Variants in BTRC observed in about 807,000 individuals in gnomAD.
BTRC encodes F-box/WD repeat-containing protein 1A.
BTRC carries 42 observed loss-of-function variants against 85.5 expected under a neutral mutation model. That is an observed-to-expected ratio of 0.49 (90% CI 0.38 to 0.64). The LOEUF is 0.64. Ranked by LOEUF, BTRC falls within the 30% of genes least tolerant of loss-of-function variation. BTRC has a pLI of 0.00. For synonymous variants in BTRC, 255 were observed against 263.3 expected, an observed-to-expected ratio of 0.97 and a Z score of 0.30; for missense variants, 594 against 743.5, an observed-to-expected ratio of 0.80 and a Z score of 2.34.
intron 3 of BTRC, among the ~76,000 whole-genome samples, chr10:101,470,627 G>A (rs1163472203): frequency 3.3e-5 from 5 of 152,186 alleles, no homozygotes; most frequent in African/African-American, 4.8e-5. Flanking sequence ...ACCGCGCCTA[G>A]CCGGTTTTTT....
intron 1 of BTRC, among the ~76,000 whole-genome samples, chr10:101,406,699 A>G (rs1943635122): frequency 6.6e-6 from 1 of 151,272 alleles, no homozygotes; most frequent in African/African-American, 2.4e-5. Context: ...ACAGCTAGCT[A>G]ATTTTTGTGT....
At chr10:101,532,848 C>G in intron 8 of BTRC, 104 bp from the exon 9 acceptor site, 1 of 962,910 alleles carries the variant, frequency 1.0e-6, no homozygotes, top group Non-Finnish European at 1.6e-6. Context: ...CCACACTACT[C>G]TGGGCTTTGA....
At chr10:101,486,452 A>C (rs1428530470) in intron 4 of BTRC, among the ~76,000 whole-genome samples, 1 of 152,060 alleles carries the variant, frequency 6.6e-6, no homozygotes, top group Non-Finnish European at 1.5e-5. Context: ...GGAAAAAAAA[A>C]AAAGTGGCCA....
chr10:101,374,667 G>A (rs1424417284), intron 1 of BTRC, among the ~76,000 whole-genome samples: 35 of 147,464 alleles, frequency 2.4e-4, no homozygotes, highest in South Asian at 1.1e-3. Context: ...AGCATTGGGA[G>A]ATATACCTAA....
At chr10:101,461,474 A>T (rs1945224343) in intron 2 of BTRC, among the ~76,000 whole-genome samples, 1 of 152,178 alleles carries the variant, frequency 6.6e-6, no homozygotes, top group Admixed American at 6.5e-5. Flanking sequence ...CTCTAATCCT[A>T]AACTACTGAG....
intron 2 of BTRC, among the ~76,000 whole-genome samples, chr10:101,450,804 A>G (rs1325870447): frequency 6.6e-6 from 1 of 152,184 alleles, no homozygotes; most frequent in Non-Finnish European, 1.5e-5. Flanking sequence ...TGTTTTAGAT[A>G]ATAACTGATC....
chr10:101,505,970 A>G (rs1284247291), intron 4 of BTRC, among the ~76,000 whole-genome samples: 3 of 150,626 alleles, frequency 2.0e-5, no homozygotes, highest in Admixed American at 2.0e-4. Flanking sequence ...GCTGGAGTGC[A>G]GTGGCACAAT....
At chr10:101,482,832 T>C (rs936771905) in intron 4 of BTRC, among the ~76,000 whole-genome samples, 1 of 152,186 alleles carries the variant, frequency 6.6e-6, no homozygotes, top group Non-Finnish European at 1.5e-5. Context: ...GCTGCATTGA[T>C]ATGGCTGCAG....
chr10:101,371,912 G>T lies in BTRC; in HGVS notation c.48+17684G>T, dbSNP rs78767946. Among the ~76,000 whole-genome samples, 585 of 152,130 alleles carry T rather than the reference G, an allele frequency of 3.8e-3. 6 individuals are homozygous for T. The highest frequency in any genetic ancestry group is 0.013 in the African/African-American group (548 of 41,482). ...GAGGGAGGCACACCTCACACATGAG[G>T]CTGAAAACCCAATCGTCATGCTTAC... On this transcript the variant is annotated intron_variant, in intron 1 of 14. Coordinates refer to ENST00000370187, the MANE Select transcript of BTRC (RefSeq NM_033637.4).
At position 101,417,650 on chromosome 10, in the gene BTRC, C is replaced by G. The variant is rs149910957; in HGVS notation, c.49-12695C>G. Among the ~76,000 whole-genome samples, 729 of 152,204 alleles carry G rather than the reference C, an allele frequency of 4.8e-3. 8 individuals are homozygous for G. Among genetic ancestry groups the G allele is most frequent in the African/African-American group, 0.016 (685 of 41,524 alleles). On this transcript the variant is annotated intron_variant, in intron 1 of 14. Coordinates refer to ENST00000370187, the MANE Select transcript of BTRC (RefSeq NM_033637.4). ...TTTGAGACTATTTAAGTATCCTCCT[C>G]CTTATCAAACTTACAGTTTATATTT...
At chr10:101,378,458 T>C (rs1321674388) in intron 1 of BTRC, among the ~76,000 whole-genome samples, 1 of 152,132 alleles carries the variant, frequency 6.6e-6, no homozygotes, top group African/African-American at 2.4e-5. Flanking sequence ...TTGGTGGTGT[T>C]AGTCATGTCA....
At chr10:101,550,937 A>T in intron 14 of BTRC, 46 bp downstream of exon 14, 2 of 1,481,124 alleles carry the variant, frequency 1.4e-6, no homozygotes, top group Non-Finnish European at 1.8e-6. Context: ...AGGAGACGGG[A>T]TATTAGCTGT....
At chr10:101,492,592 A>G (rs1468191094) in intron 4 of BTRC, among the ~76,000 whole-genome samples, 1 of 152,124 alleles carries the variant, frequency 6.6e-6, no homozygotes, top group Non-Finnish European at 1.5e-5. Flanking sequence ...CTTGCTCCAT[A>G]TTTATTTTTG....
intron 2 of BTRC, among the ~76,000 whole-genome samples, chr10:101,447,657 A>G (rs1351813858): frequency 2.0e-5 from 3 of 152,190 alleles, no homozygotes; most frequent in Non-Finnish European, 4.4e-5. Flanking sequence ...GATAGCTAAT[A>G]ACAGATATTA....
At chr10:101,444,491 C>T (rs1178102462) in intron 2 of BTRC, among the ~76,000 whole-genome samples, 1 of 152,154 alleles carries the variant, frequency 6.6e-6, no homozygotes, top group Non-Finnish European at 1.5e-5. Context: ...CTGTTTTTCA[C>T]AGAGTGTGGT....
At chr10:101,529,535 T>A (rs1238074298) in intron 6 of BTRC, among the ~76,000 whole-genome samples, 2 of 152,218 alleles carry the variant, frequency 1.3e-5, no homozygotes, top group African/African-American at 4.8e-5. Context: ...GCAAAGTGTT[T>A]GTAGAATAAT....
chr10:101,479,530 A>G (rs559273998), intron 4 of BTRC, 73 bp downstream of exon 4: 4 of 1,211,148 alleles, frequency 3.3e-6, no homozygotes, highest in Non-Finnish European at 3.6e-6. Flanking sequence ...ATCTTTACTC[A>G]GTATTGCTTA....
chr10:101,362,270 T>A (rs1473965930), intron 1 of BTRC, among the ~76,000 whole-genome samples: 1 of 151,866 alleles, frequency 6.6e-6, no homozygotes, highest in Non-Finnish European at 1.5e-5. Context: ...AGTTGGAATT[T>A]CTTTCTAAAG....
chr10:101,361,183 T>C (rs1281802262), intron 1 of BTRC, among the ~76,000 whole-genome samples: 2 of 152,196 alleles, frequency 1.3e-5, no homozygotes, highest in Admixed American at 6.5e-5. Flanking sequence ...CTCAGCTCAC[T>C]GCAACCTCAG....
Sources: allele counts gnomAD v4.1 joint callset (sites outside exome capture counted in the v4.1 genomes callset), GRCh38; gene constraint gnomAD v4.1.1; transcripts MANE v1.5; gene names NCBI Gene and HGNC (gene_info 2026-07-23, HGNC 2026-07-21).